The following ELP4 variants were observed in gnomAD, a reference collection of about 807,000 sequenced individuals.
ELP4 encodes the protein elongator complex protein 4.
ELP4 carries 51 observed loss-of-function variants against 48.9 expected under a neutral mutation model. The observed-to-expected ratio is 1.04, with a 90% CI of 0.83 to 1.32. ELP4 has a LOEUF of 1.32. Among genes scored for constraint, ELP4 ranks in the 40% most tolerant of loss-of-function variants. ELP4 has a pLI of 0.00. For missense variants in ELP4, 519 were observed against 514.6 expected (o/e 1.01, Z -0.08); for synonymous variants, 210 against 189.2 (o/e 1.11, Z -0.90).
chr11:31,637,925 A>G (rs2134055089), intron 7 of ELP4, among the ~76,000 whole-genome samples: 3 of 152,054 alleles, frequency 2.0e-5, no homozygotes, highest in East Asian at 3.9e-4. Flanking sequence ...TGAAAAGAAA[A>G]TAAATTTCCC....
At chr11:31,534,881 T>G (rs1000682353) in intron 2 of ELP4, among the ~76,000 whole-genome samples, 1 of 152,216 alleles carries the variant, frequency 6.6e-6, no homozygotes. Context: ...ACTTTCTAGT[T>G]AGTTCCAAAG....
chr11:31,738,668 C>T (rs1189353371), intron 9 of ELP4, among the ~76,000 whole-genome samples: 2 of 151,112 alleles, frequency 1.3e-5, no homozygotes, highest in African/African-American at 4.9e-5. Context: ...CCTGAGCCTG[C>T]GGGTCGAGGT....
chr11:31,621,316 G>A (rs111516340), intron 5 of ELP4, among the ~76,000 whole-genome samples: 20 of 151,834 alleles, frequency 1.3e-4, no homozygotes, highest in South Asian at 4.2e-4. Context: ...ACAGCTTCTC[G>A]TCCTAAATGT....
intron 9 of ELP4, among the ~76,000 whole-genome samples, chr11:31,774,821 G>C (rs143999516): frequency 6.6e-6 from 1 of 152,324 alleles, no homozygotes; most frequent in Non-Finnish European, 1.5e-5. Flanking sequence ...ATATAGATTA[G>C]GCTGTTATTG....
chr11:31,766,741 A>G (rs1948050327), intron 9 of ELP4, among the ~76,000 whole-genome samples: 1 of 152,094 alleles, frequency 6.6e-6, no homozygotes, highest in South Asian at 2.1e-4. Flanking sequence ...GATGCCTGTT[A>G]TAATTTTTCA....
intron 2 of ELP4, 53 bp downstream of exon 2, chr11:31,520,144 A>G: frequency 1.4e-6 from 2 of 1,478,438 alleles, no homozygotes; most frequent in South Asian, 1.3e-5. Flanking sequence ...TCTGTTGTGC[A>G]TAATCATTTT....
At chr11:31,746,687 G>A (rs958357895) in intron 9 of ELP4, among the ~76,000 whole-genome samples, 4 of 151,974 alleles carry the variant, frequency 2.6e-5, no homozygotes, top group South Asian at 4.2e-4. Flanking sequence ...GAATTGAACA[G>A]TGAGAACACA....
chr11:31,780,353 A>G (rs1948345072), intron 9 of ELP4, among the ~76,000 whole-genome samples: 1 of 152,048 alleles, frequency 6.6e-6, no homozygotes, highest in African/African-American at 2.4e-5. Context: ...GCACAGGGGG[A>G]GGCTCAGAAA....
intron 9 of ELP4, among the ~76,000 whole-genome samples, chr11:31,727,153 C>T (rs942025385): frequency 6.6e-6 from 1 of 150,746 alleles, no homozygotes; most frequent in Non-Finnish European, 1.5e-5. Flanking sequence ...TTTATTTTTA[C>T]AGTTTTTTTT....
rs1947198262 is a variant in ELP4, at chr11:31,731,917, A to G, written c.1144-51476A>G. Among the ~76,000 whole-genome samples the G allele has an allele frequency of 3.9e-5, 6 of 152,144 alleles. No individual in the cohort carries two copies. The South Asian group carries it at 1.2e-3, about 31-fold the overall frequency. On this transcript the variant is annotated intron_variant, in intron 9 of 9. Coordinates refer to ENST00000640961, the MANE Select transcript of ELP4 (RefSeq NM_019040.5). ...TGGGATAATATATTCAAAGTGCTGA[A>G]TGAAAAAAAAAATTGCCAACAAAGA...
intron 9 of ELP4, among the ~76,000 whole-genome samples, chr11:31,761,533 T>C (rs983111738): frequency 6.6e-6 from 1 of 152,150 alleles, no homozygotes; most frequent in African/African-American, 2.4e-5. Flanking sequence ...TCTGTAAAGA[T>C]GGACATTTAT....
At chr11:31,620,513 A>G (rs1300646256) in intron 5 of ELP4, among the ~76,000 whole-genome samples, 1 of 151,962 alleles carries the variant, frequency 6.6e-6, no homozygotes, top group African/African-American at 2.4e-5. Context: ...TACATGGTCT[A>G]AAAAACAACC....
chr11:31,641,205 A>G (rs1945087156), intron 7 of ELP4, among the ~76,000 whole-genome samples: 1 of 151,920 alleles, frequency 6.6e-6, no homozygotes, highest in Non-Finnish European at 1.5e-5. Flanking sequence ...GGCGCTGTAC[A>G]TCTATGCTGT....
intron 8 of ELP4, chr11:31,649,685 T>G (rs910164924): frequency 1.3e-5 from 2 of 154,118 alleles, no homozygotes; most frequent in Non-Finnish European, 2.9e-5. Flanking sequence ...AGTGCTTCAC[T>G]GGTTATCAGT....
At chr11:31,605,861 A>G (rs535527401) in intron 5 of ELP4, among the ~76,000 whole-genome samples, 1 of 152,224 alleles carries the variant, frequency 6.6e-6, no homozygotes, top group Admixed American at 6.5e-5. Context: ...TAGAGTTGCT[A>G]AGTAACTCTC....
At chr11:31,758,067 T>C (rs1019558194) in intron 9 of ELP4, among the ~76,000 whole-genome samples, 1 of 152,202 alleles carries the variant, frequency 6.6e-6, no homozygotes, top group Non-Finnish European at 1.5e-5. Context: ...TTCAGGACTA[T>C]ATTAAACAAT....
Position 31,552,441 on chromosome 11 carries a change from A to G in ELP4, c.381+12658A>G, listed in dbSNP as rs549266270. Among the ~76,000 whole-genome samples the G allele has an allele frequency of 9.2e-5, 14 of 152,210 alleles. 2 individuals carry two copies. In the South Asian group the frequency reaches 1.9e-3, roughly 20 times the overall value. ...CCTACAGTACATATTACTTTAGTCT[A>G]TTGGAGATCTCAAACATCACATGTT... is the stretch of plus-strand genomic sequence containing the variant. On this transcript the variant is annotated intron_variant, in intron 3 of 9. Transcript: ENST00000640961.
intron 1 of ELP4, chr11:31,511,488 A>G (rs1157411738): frequency 6.6e-6 from 1 of 152,210 alleles, no homozygotes; most frequent in Admixed American, 6.5e-5. Context: ...AAGTTGTTGA[A>G]TACAAGAAAA....
intron 3 of ELP4, among the ~76,000 whole-genome samples, chr11:31,576,700 A>G (rs188622624): frequency 3.3e-5 from 5 of 152,340 alleles, no homozygotes; most frequent in East Asian, 3.9e-4. Flanking sequence ...TACTGGGTAC[A>G]TAACGAAATG....
Sources: allele counts gnomAD v4.1 joint callset (sites outside exome capture counted in the v4.1 genomes callset), GRCh38; gene constraint gnomAD v4.1.1; transcripts MANE v1.5; gene names NCBI Gene and HGNC (gene_info 2026-07-23, HGNC 2026-07-21).